The following CNTNAP5 variants were observed in gnomAD, a reference collection of about 807,000 sequenced individuals.
CNTNAP5 encodes contactin associated protein family member 5, also known as contactin-associated protein-like 5.
In CNTNAP5, 72 loss-of-function variants were observed where a neutral mutation model predicts 150.2. That is an observed-to-expected ratio of 0.48 (90% CI 0.40 to 0.58). The LOEUF is 0.58. Ranked by LOEUF, CNTNAP5 falls within the 20% of genes least tolerant of loss-of-function variation. The pLI is 0.00. For synonymous variants in CNTNAP5, 672 were observed against 619.8 expected, an observed-to-expected ratio of 1.08 and a Z score of -1.25; for missense variants, 1,636 against 1,626.2, an observed-to-expected ratio of 1.01 and a Z score of -0.10.
At chr2:124,567,862 T>TAGATAG (rs1553480438) in intron 11 of CNTNAP5, among the ~76,000 whole-genome samples, 25,401 of 127,976 alleles carry the variant, frequency 0.2, 3,014 homozygotes, top group East Asian at 0.58. Context: ...GATAGATAGA[T>TAGATAG]AGATAGATAG....
intron 1 of CNTNAP5, among the ~76,000 whole-genome samples, chr2:124,183,123 G>A (rs959475321): frequency 6.6e-6 from 1 of 152,178 alleles, no homozygotes; most frequent in African/African-American, 2.4e-5. Flanking sequence ...ACATTGGTAT[G>A]ATTTAGATTC....
chr2:124,331,487 T>G (rs1689347773), intron 3 of CNTNAP5, among the ~76,000 whole-genome samples: 1 of 152,038 alleles, frequency 6.6e-6, no homozygotes, highest in Non-Finnish European at 1.5e-5. Flanking sequence ...TAACCTTAAT[T>G]GGTTTGTTAT....
At chr2:124,092,528 A>G (rs1345048795) in intron 1 of CNTNAP5, among the ~76,000 whole-genome samples, 1 of 152,210 alleles carries the variant, frequency 6.6e-6, no homozygotes, top group African/African-American at 2.4e-5. Flanking sequence ...ATGAGGTGAC[A>G]AAAAGACAGA....
At chr2:124,322,300 C>A (rs1036352338) in intron 3 of CNTNAP5, among the ~76,000 whole-genome samples, 2 of 152,006 alleles carry the variant, frequency 1.3e-5, no homozygotes, top group Non-Finnish European at 2.9e-5. Flanking sequence ...AGATGACAAA[C>A]AAAATTTGTC....
chr2:124,771,916 AC>A (rs900027574), intron 16 of CNTNAP5, among the ~76,000 whole-genome samples: 7 of 149,466 alleles, frequency 4.7e-5, no homozygotes, highest in South Asian at 2.1e-4. Flanking sequence ...TATCACCATT[AC>A]CCCCCTCACC....
intron 4 of CNTNAP5, 47 bp downstream of exon 4, chr2:124,417,637 C>G (rs1691960351): frequency 6.4e-7 from 1 of 1,554,542 alleles, no homozygotes; most frequent in African/African-American, 1.4e-5. Context: ...GTGAGTGGCA[C>G]CGCCTACGTA....
intron 3 of CNTNAP5, among the ~76,000 whole-genome samples, chr2:124,306,621 C>G (rs1230087432): frequency 1.3e-5 from 2 of 151,996 alleles, no homozygotes; most frequent in African/African-American, 4.8e-5. Flanking sequence ...GGTGCTATCA[C>G]CAGAACGAGA....
intron 1 of CNTNAP5, among the ~76,000 whole-genome samples, chr2:124,202,590 T>C (rs1685755683): frequency 6.6e-6 from 1 of 152,150 alleles, no homozygotes; most frequent in Non-Finnish European, 1.5e-5. Context: ...TACCTGCGAC[T>C]GCATAATTTA....
At chr2:124,322,168 A>C (rs1365340620) in intron 3 of CNTNAP5, among the ~76,000 whole-genome samples, 3 of 47,118 alleles carry the variant, frequency 6.4e-5, no homozygotes, top group Non-Finnish European at 1.3e-4. Flanking sequence ...TAATAATAAA[A>C]TAAAATAAAA....
intron 1 of CNTNAP5, among the ~76,000 whole-genome samples, chr2:124,109,100 C>T (rs1391077392): frequency 1.3e-5 from 2 of 152,198 alleles, no homozygotes; most frequent in African/African-American, 4.8e-5. Flanking sequence ...CCTGAGCCGG[C>T]AGCCAGTGAG....
chr2:124,521,785 A>T (rs1287487922), intron 8 of CNTNAP5, among the ~76,000 whole-genome samples: 1 of 152,166 alleles, frequency 6.6e-6, no homozygotes, highest in East Asian at 1.9e-4. Flanking sequence ...GAAAGTTTTT[A>T]AAAAGGACTT....
intron 13 of CNTNAP5, among the ~76,000 whole-genome samples, chr2:124,705,132 T>C (rs564244186): frequency 6.7e-6 from 1 of 149,682 alleles, no homozygotes; most frequent in Non-Finnish European, 1.5e-5. Flanking sequence ...ACACACACAC[T>C]TTTTTTAATA....
chr2:124,818,968 A>G (rs2104666850), intron 19 of CNTNAP5, among the ~76,000 whole-genome samples: 1 of 152,132 alleles, frequency 6.6e-6, no homozygotes, highest in Non-Finnish European at 1.5e-5. Context: ...AAACCCATTT[A>G]GCTCAGTTTC....
chr2:124,444,063 A>T (rs533315313), intron 5 of CNTNAP5, among the ~76,000 whole-genome samples: 1 of 152,034 alleles, frequency 6.6e-6, no homozygotes, highest in Non-Finnish European at 1.5e-5. Flanking sequence ...CTCCTGAGTC[A>T]TTTCATTTTA....
chr2:124,340,026 C>T (rs1689571942), intron 3 of CNTNAP5, among the ~76,000 whole-genome samples: 1 of 152,132 alleles, frequency 6.6e-6, no homozygotes, highest in Admixed American at 6.6e-5. Flanking sequence ...TGACCTCTGT[C>T]CACATTACTC....
intron 3 of CNTNAP5, among the ~76,000 whole-genome samples, chr2:124,333,970 A>G (rs780842768): frequency 1.3e-5 from 2 of 152,112 alleles, no homozygotes; most frequent in Non-Finnish European, 2.9e-5. Flanking sequence ...TAAACACCCA[A>G]AGGTCGAGTG....
intron 1 of CNTNAP5, among the ~76,000 whole-genome samples, chr2:124,053,411 C>A (rs928873185): frequency 2.6e-5 from 4 of 152,148 alleles, no homozygotes; most frequent in African/African-American, 7.2e-5. Context: ...AGCACCAGCC[C>A]AGAGAGCATC....
intron 9 of CNTNAP5, among the ~76,000 whole-genome samples, chr2:124,525,853 A>T (rs1200991146): frequency 1.3e-5 from 2 of 152,194 alleles, no homozygotes; most frequent in African/African-American, 4.8e-5. Context: ...GTTTGCTGAG[A>T]TGAAAGAATT....
intron 11 of CNTNAP5, among the ~76,000 whole-genome samples, chr2:124,565,947 G>A (rs1573463160): frequency 8.5e-6 from 1 of 117,338 alleles, no homozygotes; most frequent in African/African-American, 3.3e-5. Context: ...ATCAATTGAG[G>A]GATCCTTTTT....
Sources: allele counts gnomAD v4.1 joint callset (sites outside exome capture counted in the v4.1 genomes callset), GRCh38; gene constraint gnomAD v4.1.1; transcripts MANE v1.5; gene names NCBI Gene and HGNC (gene_info 2026-07-23, HGNC 2026-07-21).